The following PCDH9 variants were observed in gnomAD, a reference collection of about 807,000 sequenced individuals.
PCDH9 encodes protocadherin-9.
A neutral mutation model predicts 70.6 loss-of-function variants in PCDH9; 24 were observed. The ratio of observed to expected loss-of-function variants is 0.34; its 90% CI spans 0.25 to 0.48. PCDH9 has a LOEUF of 0.48. Ranked by LOEUF, PCDH9 falls within the 20% of genes least tolerant of loss-of-function variation. The pLI, the probability that PCDH9 is intolerant of heterozygous loss-of-function variation, is 0.99. For missense variants in PCDH9, 1,281 were observed against 1,503.6 expected, an observed-to-expected ratio of 0.85 and a Z score of 2.45; for synonymous variants, 562 against 558.5, an observed-to-expected ratio of 1.01 and a Z score of -0.09.
intron 3 of PCDH9, among the ~76,000 whole-genome samples, chr13:66,821,977 G>T (rs2139382481): frequency 6.6e-6 from 1 of 152,220 alleles, no homozygotes; most frequent in East Asian, 1.9e-4. Flanking sequence ...TTTGTAAAAT[G>T]TTGAGAGCTG....
At chr13:67,193,335 ACACACAC>A (rs1566487308) in intron 2 of PCDH9, among the ~76,000 whole-genome samples, 490 of 43,014 alleles carry the variant, frequency 0.011, no homozygotes, top group Admixed American at 0.025. Flanking sequence ...AGATTAAAAC[ACACACAC>A]ACACACACAC....
At chr13:66,371,925 T>G (rs1286378281) in intron 4 of PCDH9, among the ~76,000 whole-genome samples, 1 of 152,096 alleles carries the variant, frequency 6.6e-6, no homozygotes, top group East Asian at 1.9e-4. Flanking sequence ...TTTGTGATCT[T>G]CAGGCTCAAC....
At chr13:66,659,539 T>TTTTGTGTGTGTGTGTGTG (rs1566487715) in intron 3 of PCDH9, among the ~76,000 whole-genome samples, 1 of 30,270 alleles carries the variant, frequency 3.3e-5, no homozygotes. Context: ...TAAGTTATGT[T>TTTTGTGTGTGTGTGTGTG]TGTGTGTGTG....
chr13:66,727,349 A>C (rs2139166275), intron 3 of PCDH9, among the ~76,000 whole-genome samples: 1 of 152,316 alleles, frequency 6.6e-6, no homozygotes, highest in South Asian at 2.1e-4. Context: ...TTCTAAATAT[A>C]AGAGGAGAGT....
chr13:66,489,057 T>C (rs1958991526), intron 4 of PCDH9, among the ~76,000 whole-genome samples: 1 of 152,196 alleles, frequency 6.6e-6, no homozygotes, highest in Non-Finnish European at 1.5e-5. Context: ...TAAGTGGTGT[T>C]ATAATTTTAA....
intron 4 of PCDH9, among the ~76,000 whole-genome samples, chr13:66,416,704 TAACA>T (rs1016678169): frequency 1.3e-5 from 2 of 152,284 alleles, no homozygotes; most frequent in African/African-American, 4.8e-5. Flanking sequence ...CAAAATGCAC[TAACA>T]AAGTTGCAGG....
intron 4 of PCDH9, among the ~76,000 whole-genome samples, chr13:66,478,875 A>G (rs1284486754): frequency 2.0e-5 from 3 of 152,232 alleles, no homozygotes; most frequent in Non-Finnish European, 4.4e-5. Flanking sequence ...GACAATGGCT[A>G]CACTAAAAAA....
At chr13:67,224,879 A>G (rs191759450) in intron 2 of PCDH9, 1 of 983,694 alleles carries the variant, frequency 1.0e-6, no homozygotes, top group African/African-American at 1.7e-5. Flanking sequence ...ATCAACGATC[A>G]TGTGCTTCAC....
At chr13:67,190,330 C>G (rs1385903285) in intron 2 of PCDH9, among the ~76,000 whole-genome samples, 5 of 151,928 alleles carry the variant, frequency 3.3e-5, no homozygotes, top group African/African-American at 1.2e-4. Context: ...AACAGAATAT[C>G]AATGTTTGTT....
chr13:66,829,410 G>A (rs1198830207), intron 3 of PCDH9, among the ~76,000 whole-genome samples: 3 of 152,000 alleles, frequency 2.0e-5, no homozygotes, highest in Admixed American at 1.3e-4. Context: ...AAAAAATATG[G>A]GGACAAAAAA....
At chr13:66,721,208 G>A (rs938610507) in intron 3 of PCDH9, among the ~76,000 whole-genome samples, 4 of 152,244 alleles carry the variant, frequency 2.6e-5, no homozygotes, top group East Asian at 1.9e-4. Context: ...TAATTATAAC[G>A]TGATAAGGAA....
chr13:66,317,167 A>C (rs997277109), intron 4 of PCDH9, among the ~76,000 whole-genome samples: 5 of 152,174 alleles, frequency 3.3e-5, no homozygotes, highest in African/African-American at 1.2e-4. Context: ...CTATGAAACA[A>C]CATCTCTTTC....
At chr13:67,061,906 C>G (rs2085546539) in intron 2 of PCDH9, among the ~76,000 whole-genome samples, 1 of 152,108 alleles carries the variant, frequency 6.6e-6, no homozygotes. Flanking sequence ...GAAATCAATT[C>G]CTGCCAAGGA....
At chr13:66,803,018 T>A (rs1480483834) in intron 3 of PCDH9, among the ~76,000 whole-genome samples, 1 of 152,104 alleles carries the variant, frequency 6.6e-6, no homozygotes, top group Admixed American at 6.6e-5. Flanking sequence ...ACTTCTAGAA[T>A]TTGAGTTATT....
In PCDH9 at chr13:67,059,210, G is replaced by T. The variant is rs534864419; in HGVS notation, c.3037-155605C>A. Among the ~76,000 whole-genome samples the T allele has an allele frequency of 1.5e-4, 22 of 151,496 alleles. No individual in the cohort carries two copies. In the South Asian group the frequency reaches 4.6e-3, roughly 32 times the overall value. The stretch of plus-strand genomic sequence containing the variant: ...TACCCAGAAACTTTCATTCTTTTAT[G>T]CAATAGACATCAGCTCCCTACGGTG... On this transcript the variant is annotated intron_variant, in intron 2 of 4. Transcript: ENST00000377865.
At chr13:66,876,720 A>T (rs1028229192) in intron 3 of PCDH9, 5 of 152,158 alleles carry the variant, frequency 3.3e-5, no homozygotes, top group African/African-American at 1.2e-4. Flanking sequence ...TAGAGAAAAG[A>T]GGTTTCTAGA....
intron 2 of PCDH9, among the ~76,000 whole-genome samples, chr13:67,154,615 C>T (rs1210784388): frequency 0.017 from 1,810 of 107,638 alleles, 119 homozygotes; most frequent in Middle Eastern, 0.031. Flanking sequence ...TACACACACA[C>T]ACACACACAC....
chr13:66,951,634 C>A (rs2083182715), intron 2 of PCDH9, among the ~76,000 whole-genome samples: 1 of 152,170 alleles, frequency 6.6e-6, no homozygotes. Context: ...CCCATCGCTT[C>A]TAACAGAGTC....
chr13:67,065,229 G>A (rs1594462288), intron 2 of PCDH9, among the ~76,000 whole-genome samples: 1 of 152,038 alleles, frequency 6.6e-6, no homozygotes, highest in Non-Finnish European at 1.5e-5. Flanking sequence ...AAAGAAAAAC[G>A]AGCGTGTTCT....
Sources: gnomAD v4.1 joint callset for allele counts (sites outside exome capture counted in the v4.1 genomes callset) on GRCh38, gnomAD v4.1.1 for gene constraint, MANE v1.5 for transcripts, NCBI Gene and HGNC (gene_info 2026-07-23, HGNC 2026-07-21) for gene names.